RGPD3: variants seen among roughly 807,000 people sequenced by gnomAD.
The protein encoded by RGPD3 is RANBP2 like and GRIP domain containing 3.
A neutral mutation model predicts 154.5 loss-of-function variants in RGPD3; 62 were observed. The observed-to-expected ratio is 0.40, with a 90% CI of 0.33 to 0.50. The LOEUF (loss-of-function observed/expected upper bound fraction) is 0.50. RGPD3 is among the 20% of genes least tolerant of loss of function. The pLI is 0.59. For synonymous variants in RGPD3, 308 were observed against 607.0 expected (o/e 0.51, Z 7.24); for missense variants, 919 against 1,716.8 (o/e 0.54, Z 8.21).
chr2:106,426,795 C>G (rs1239072702), intron 18 of RGPD3, among the ~76,000 whole-genome samples: 1 of 152,234 alleles, frequency 6.6e-6, no homozygotes, highest in South Asian at 2.1e-4. Context: ...ATCTTTCATG[C>G]CTGTACATGG....
chr2:106,424,359 T>G lies in RGPD3; in HGVS notation c.3608A>C (p.Lys1203Thr). ...QRAEEMKSGLKDFKTFLTNDQ... is the reference protein window; with the variant it reads ...QRAEEMKSGLTDFKTFLTNDQ... ...ATTTGTCAAAAATGTTTTGAAATCT[T>G]TCAGTCCACTCTTCATTTCTTCAGC... The change falls in exon 20 of 23, where the codon AAA becomes ACA. Residue 1203 changes from lysine to threonine, a missense_variant. Lys to Thr is a moderately conservative substitution (Grantham distance 78, BLOSUM62 -1). Transcript: ENST00000409886. 1.9e-6 allele frequency: 3 copies of G among 1,611,724 alleles called. No homozygotes were observed. Among genetic ancestry groups the G allele is most frequent in the Non-Finnish European group, 2.5e-6 (3 of 1,179,840 alleles).
intron 1 of RGPD3, among the ~76,000 whole-genome samples, chr2:106,467,449 C>G (rs796194232): frequency 2.2e-5 from 1 of 46,238 alleles, no homozygotes; most frequent in Non-Finnish European, 4.3e-5. Context: ...GGGTCGAGGC[C>G]GCCGCCTCAA....
intron 8 of RGPD3, among the ~76,000 whole-genome samples, chr2:106,440,411 A>G (rs565448075): frequency 1.3e-5 from 2 of 151,718 alleles, no homozygotes; most frequent in East Asian, 1.9e-4. Context: ...TGCCCAGATC[A>G]AAGATATAAA....
chr2:106,407,539 T>G (rs925999591), intron 22 of RGPD3, among the ~76,000 whole-genome samples: 1 of 150,430 alleles, frequency 6.6e-6, no homozygotes, highest in Non-Finnish European at 1.5e-5. Context: ...GAGAACCAGA[T>G]GACTATAAAC....
intron 1 of RGPD3, 53 bp downstream of exon 1, chr2:106,468,164 G>C (rs1678700576): frequency 1.9e-6 from 3 of 1,552,992 alleles, no homozygotes; most frequent in Non-Finnish European, 1.7e-6. Flanking sequence ...GGGCCGGGTC[G>C]AGGCCGCCGC....
In RGPD3 at chr2:106,437,511, C is replaced by CA. The variant is rs1040398152; in HGVS notation, c.1277-658dup. On this transcript the variant is annotated intron_variant, in intron 9 of 22. Coordinates refer to ENST00000409886, the MANE Select transcript of RGPD3 (RefSeq NM_001144013.2). ...TGGGTGACAGAGCGAGACTCTGTCT[C>CA]AAAAAAAAGAAAAGAAAAGAAAAGA... Among the ~76,000 whole-genome samples, 67 of 150,208 alleles carry CA rather than the reference C, an allele frequency of 4.5e-4. 1 individual carries two copies. The highest frequency in any genetic ancestry group is 1.5e-3 in the African/African-American group (62 of 40,814).
intron 21 of RGPD3, among the ~76,000 whole-genome samples, chr2:106,413,578 G>C (rs1312162202): frequency 6.6e-6 from 1 of 152,224 alleles, no homozygotes; most frequent in African/African-American, 2.4e-5. Context: ...CAAGTGTTGG[G>C]CTATATGACT....
At position 106,449,219 on chromosome 2, in the gene RGPD3, CT is replaced by C. The variant is rs1232495430; in HGVS notation, c.783-1607del. Among the ~76,000 whole-genome samples, 14 of 150,714 alleles carry C rather than the reference CT, an allele frequency of 9.3e-5. 1 individual carries two copies. Among genetic ancestry groups the C allele is most frequent in the African/African-American group, 3.4e-4 (14 of 40,936 alleles). On this transcript the variant is annotated intron_variant, in intron 6 of 22. Coordinates refer to ENST00000409886, the MANE Select transcript of RGPD3 (RefSeq NM_001144013.2). ...GTGGCTCACACATGTAATTCCAGCA[CT>C]TTGGGAGGCTGAGGCGGGTGGATCA...
chr2:106,414,811 A>G (rs1302517818), intron 21 of RGPD3, among the ~76,000 whole-genome samples: 2 of 151,082 alleles, frequency 1.3e-5, no homozygotes, highest in Admixed American at 6.6e-5. Flanking sequence ...CGGCTTTAAA[A>G]TAATCTGACA....
At chr2:106,451,235 A>C (rs1678116169) in intron 6 of RGPD3, among the ~76,000 whole-genome samples, 1 of 151,826 alleles carries the variant, frequency 6.6e-6, no homozygotes, top group South Asian at 2.1e-4. Context: ...AACATCCTAC[A>C]TGTTTTCTAA....
At chr2:106,413,552 A>T (rs1335306854) in intron 21 of RGPD3, among the ~76,000 whole-genome samples, 13 of 152,232 alleles carry the variant, frequency 8.5e-5, no homozygotes, top group Non-Finnish European at 1.5e-4. Context: ...TAGAAAGTGG[A>T]TTGCTGCATA....
intron 6 of RGPD3, among the ~76,000 whole-genome samples, chr2:106,449,458 C>T (rs1200385071): frequency 1.7e-5 from 2 of 118,488 alleles, no homozygotes. Flanking sequence ...AAGAGCAAAA[C>T]TCTGTCTCAA....
intron 20 of RGPD3, among the ~76,000 whole-genome samples, chr2:106,420,136 G>A (rs961879400): frequency 3.4e-4 from 50 of 146,588 alleles, no homozygotes; most frequent in Non-Finnish European, 5.4e-4. Context: ...AAAGCCAACT[G>A]TGATTAGTTC....
chr2:106,407,459 T>C lies in RGPD3; in HGVS notation c.5267-2230A>G, dbSNP rs559608529. On this transcript the variant is annotated intron_variant, in intron 22 of 22. Coordinates refer to ENST00000409886, the MANE Select transcript of RGPD3 (RefSeq NM_001144013.2). Reference sequence around the variant, plus strand: ...TTCTAGAAAGTAGAAGGAAGCGATATTGCTTAGGGATGGACAACTTGGCAC... The same window carrying C: ...TTCTAGAAAGTAGAAGGAAGCGATACTGCTTAGGGATGGACAACTTGGCAC... 2.2e-3 allele frequency among the ~76,000 whole-genome samples: 337 copies of C among 151,938 alleles called. 1 individual carries two copies. Among genetic ancestry groups the C allele is most frequent in the African/African-American group, 6.5e-3 (271 of 41,436 alleles).
chr2:106,470,810 T>C (rs1287624307), upstream of RGPD3: 21 of 1,602,292 alleles, frequency 1.3e-5, 1 homozygote, highest in East Asian at 1.8e-4. Flanking sequence ...CCTCGTCCAA[T>C]GATCCAAGGA....
At chr2:106,468,759 T>C (rs1334996997), upstream of RGPD3, among the ~76,000 whole-genome samples, 3 of 128,942 alleles carry the variant, frequency 2.3e-5, no homozygotes, top group African/African-American at 9.0e-5. Flanking sequence ...TACGGTGAGA[T>C]TGCCCCACTG....
At chr2:106,422,905 A>G in intron 20 of RGPD3, 138 bp downstream of exon 20, 1 of 1,572,642 alleles carries the variant, frequency 6.4e-7, no homozygotes, top group Non-Finnish European at 8.6e-7. Context: ...TAAGGGAGAA[A>G]AAAATTGCTC....
intron 20 of RGPD3, among the ~76,000 whole-genome samples, chr2:106,420,507 A>AG (rs1213284455): frequency 6.6e-6 from 1 of 152,168 alleles, no homozygotes; most frequent in African/African-American, 2.4e-5. Flanking sequence ...CCAATATGGT[A>AG]GCCTAGCCAC....
intron 8 of RGPD3, among the ~76,000 whole-genome samples, chr2:106,439,823 G>A (rs1314258030): frequency 4.3e-4 from 48 of 111,292 alleles, no homozygotes; most frequent in African/African-American, 1.5e-3. Flanking sequence ...CCGAGATCAC[G>A]CCACTGCACT....
Sources: allele counts gnomAD v4.1 joint callset (sites outside exome capture counted in the v4.1 genomes callset), GRCh38; gene constraint gnomAD v4.1.1; transcripts MANE v1.5; gene names NCBI Gene and HGNC (gene_info 2026-07-23, HGNC 2026-07-21).